WDPCP: variants seen among roughly 807,000 people sequenced by gnomAD.
WDPCP encodes the protein WD repeat containing planar cell polarity effector.
A neutral mutation model predicts 93.1 loss-of-function variants in WDPCP; 71 were observed. That is an observed-to-expected ratio of 0.76 (90% confidence interval 0.63 to 0.93). The LOEUF is 0.93. Ranked by LOEUF, WDPCP falls within the 40% of genes least tolerant of loss-of-function variation. WDPCP has a pLI of 0.00. For synonymous variants in WDPCP, 315 were observed against 315.0 expected (o/e 1.00, Z 0.00); for missense variants, 844 against 887.4 (o/e 0.95, Z 0.62).
intron 9 of WDPCP, among the ~76,000 whole-genome samples, chr2:63,427,621 C>A (rs191131120): frequency 5.6e-4 from 85 of 152,234 alleles, no homozygotes; most frequent in Non-Finnish European, 9.3e-4. Context: ...ATGCCTACAT[C>A]ACGAAGTTAG....
intron 13 of WDPCP, among the ~76,000 whole-genome samples, chr2:63,285,576 A>G (rs1311026869): frequency 2.6e-5 from 4 of 152,154 alleles, no homozygotes. Context: ...AAAAATATAT[A>G]TAATGCAAAC....
chr2:63,552,858 G>C (rs1705785172), intron 1 of WDPCP, among the ~76,000 whole-genome samples: 1 of 152,140 alleles, frequency 6.6e-6, no homozygotes, highest in African/African-American at 2.4e-5. Context: ...AGAGATAAGA[G>C]AATCACACAT....
chr2:63,619,735 T>C (rs956980122), intron 3 of WDPCP, among the ~76,000 whole-genome samples: 4 of 152,240 alleles, frequency 2.6e-5, no homozygotes, highest in Admixed American at 6.5e-5. Context: ...GCTGGCAAGA[T>C]GGCCAAATAG....
Position 63,747,339 on chromosome 2 carries a change from C to T in WDPCP, n.308+66283G>A, listed in dbSNP as rs115936938. Among the ~76,000 whole-genome samples the T allele has an allele frequency of 6.1e-3, 925 of 152,016 alleles. 13 individuals are homozygous for T. Among genetic ancestry groups the T allele is most frequent in the African/African-American group, 0.021 (854 of 41,492 alleles). ...TCTTTCACCTGTTTGTCTTTTTGTA[C>T]TTTGTTCAAGAAATCCTTCTGTACT... On this transcript the variant is annotated intron_variant and non_coding_transcript_variant, in intron 2 of 4. Coordinates refer to the WDPCP transcript ENST00000467687.
intron 14 of WDPCP, among the ~76,000 whole-genome samples, chr2:63,189,581 T>C (rs1252513718): frequency 6.6e-6 from 1 of 152,234 alleles, no homozygotes; most frequent in Non-Finnish European, 1.5e-5. Context: ...TACATAGATA[T>C]ATATATTTGA....
chr2:63,590,772 A>G (rs921359358), upstream of WDPCP: 1 of 152,210 alleles, frequency 6.6e-6, no homozygotes, highest in Admixed American at 6.5e-5. Flanking sequence ...AACATGAGGA[A>G]GAATTTGTCT....
chr2:63,412,204 G>A (rs957288064), intron 9 of WDPCP, among the ~76,000 whole-genome samples: 17 of 152,270 alleles, frequency 1.1e-4, no homozygotes, highest in African/African-American at 4.1e-4. Context: ...TTTCATACCA[G>A]GGATGCAGGG....
chr2:63,815,719 G>A (rs7577331), intron 1 of WDPCP, among the ~76,000 whole-genome samples: 1 of 152,158 alleles, frequency 6.6e-6, no homozygotes, highest in Admixed American at 6.5e-5. Context: ...GTTTATTAAG[G>A]AGCTGCATTT....
intron 12 of WDPCP, among the ~76,000 whole-genome samples, chr2:63,374,867 G>A (rs2104819888): frequency 6.6e-6 from 1 of 151,884 alleles, no homozygotes; most frequent in East Asian, 1.9e-4. Context: ...ATTACTTTTT[G>A]TTGTTACATT....
intron 2 of WDPCP, among the ~76,000 whole-genome samples, chr2:63,723,304 A>G (rs969893472): frequency 2.6e-5 from 4 of 151,858 alleles, no homozygotes; most frequent in African/African-American, 9.7e-5. Context: ...AAAAAAAAAA[A>G]AGAATGCTCC....
At chr2:63,660,271 C>T (rs908930114) in intron 2 of WDPCP, among the ~76,000 whole-genome samples, 2 of 152,134 alleles carry the variant, frequency 1.3e-5, no homozygotes, top group African/African-American at 4.8e-5. Context: ...GATGCCCCTA[C>T]CTCCACACTG....
At chr2:63,563,603 T>C (rs1461004513) in intron 1 of WDPCP, among the ~76,000 whole-genome samples, 8 of 152,038 alleles carry the variant, frequency 5.3e-5, no homozygotes, top group Non-Finnish European at 7.4e-5. Context: ...TTTGGGTTGA[T>C]AAAAATGTTC....
intron 1 of WDPCP, among the ~76,000 whole-genome samples, chr2:63,546,184 G>T (rs1705140704): frequency 6.6e-6 from 1 of 152,116 alleles, no homozygotes; most frequent in African/African-American, 2.4e-5. Flanking sequence ...TGGAGAAATG[G>T]GGTAACACTC....
intron 2 of WDPCP, among the ~76,000 whole-genome samples, chr2:63,491,197 T>C (rs1342731683): frequency 6.6e-6 from 1 of 152,186 alleles, no homozygotes; most frequent in Non-Finnish European, 1.5e-5. Context: ...TTTCCTTAGG[T>C]CTCTGTTGTA....
At chr2:63,679,595 G>A (rs1035474309) in intron 2 of WDPCP, among the ~76,000 whole-genome samples, 5 of 152,112 alleles carry the variant, frequency 3.3e-5, no homozygotes, top group African/African-American at 1.2e-4. Flanking sequence ...ATCTCCTTTT[G>A]AGGTGGATTT....
intron 12 of WDPCP, among the ~76,000 whole-genome samples, chr2:63,339,150 G>C (rs1008597160): frequency 6.6e-6 from 1 of 151,544 alleles, no homozygotes; most frequent in Admixed American, 6.6e-5. Flanking sequence ...TTATAAATGG[G>C]ATTGCCTTCC....
At chr2:63,525,786 C>T (rs867171247) in intron 1 of WDPCP, among the ~76,000 whole-genome samples, 2 of 152,034 alleles carry the variant, frequency 1.3e-5, no homozygotes, top group African/African-American at 2.4e-5. Context: ...TTGAGGGCAC[C>T]GTAACTGCAA....
intron 10 of WDPCP, 91 bp from the exon 11 acceptor site, chr2:63,382,185 A>G: frequency 7.8e-7 from 1 of 1,289,682 alleles, no homozygotes; most frequent in Non-Finnish European, 1.1e-6. Context: ...AAAAACCTAT[A>G]TTGCTTGCAT....
chr2:63,618,753 C>T (rs1211967747), intron 3 of WDPCP, among the ~76,000 whole-genome samples: 2 of 150,834 alleles, frequency 1.3e-5, no homozygotes, highest in Non-Finnish European at 2.9e-5. Flanking sequence ...TGCAATGGCG[C>T]AATCTCCGCT....
Sources: allele counts gnomAD v4.1 joint callset (sites outside exome capture counted in the v4.1 genomes callset), GRCh38; gene constraint gnomAD v4.1.1; transcripts MANE v1.5; gene names NCBI Gene and HGNC (gene_info 2026-07-23, HGNC 2026-07-21).